The following TOP6BL variants were observed in gnomAD, a reference collection of about 807,000 sequenced individuals.
TOP6BL encodes type 2 DNA topoisomerase 6 subunit B-like.
the TOP6BL span, among the ~76,000 whole-genome samples, chr11:66,769,405 C>G: frequency 6.6e-6 from 1 of 150,558 alleles, no homozygotes; most frequent in African/African-American, 2.4e-5. Flanking sequence ...AACTCTTATG[C>G]TTCAAAAGAT....
At chr11:66,833,798 A>AT in the TOP6BL span, among the ~76,000 whole-genome samples, 2 of 152,118 alleles carry the variant, frequency 1.3e-5, no homozygotes, top group Admixed American at 6.6e-5. Context: ...AAATAAAAAA[A>AT]TTAGCCAGGC....
chr11:66,788,718 C>G, the TOP6BL span, among the ~76,000 whole-genome samples: 2 of 152,124 alleles, frequency 1.3e-5, no homozygotes, highest in Non-Finnish European at 2.9e-5. Flanking sequence ...AGAAAGAGAT[C>G]TCTAATGTCT....
At chr11:66,838,618 C>A in the TOP6BL span, among the ~76,000 whole-genome samples, 1 of 152,152 alleles carries the variant, frequency 6.6e-6, no homozygotes, top group Non-Finnish European at 1.5e-5. Flanking sequence ...GTCTTCCCTC[C>A]CCAAGATGTT....
the TOP6BL span, among the ~76,000 whole-genome samples, chr11:66,797,832 A>C: frequency 1.3e-5 from 2 of 152,158 alleles, no homozygotes; most frequent in Non-Finnish European, 2.9e-5. Flanking sequence ...GAATATTTTG[A>C]ATATTAGAGA....
the TOP6BL span, among the ~76,000 whole-genome samples, chr11:66,782,901 T>C: frequency 6.6e-6 from 1 of 152,226 alleles, no homozygotes; most frequent in Admixed American, 6.5e-5. Flanking sequence ...GATAATGATC[T>C]CTTTCTTCCT....
the TOP6BL span, among the ~76,000 whole-genome samples, chr11:66,784,929 T>C: frequency 6.6e-6 from 1 of 151,804 alleles, no homozygotes; most frequent in South Asian, 2.1e-4. Context: ...TCTTTTCTTT[T>C]TTTTGTATCT....
the TOP6BL span, among the ~76,000 whole-genome samples, chr11:66,754,590 G>C: frequency 6.6e-6 from 1 of 152,080 alleles, no homozygotes; most frequent in Admixed American, 6.5e-5. Context: ...TGATCTAATT[G>C]GGCTTTTAAC....
chr11:66,779,328 C>A, the TOP6BL span, among the ~76,000 whole-genome samples: 1 of 152,032 alleles, frequency 6.6e-6, no homozygotes, highest in African/African-American at 2.4e-5. Context: ...AAAAAAACAA[C>A]CCCATCAAAA....
At chr11:66,836,700 ATT>A in the TOP6BL span, among the ~76,000 whole-genome samples, 1 of 107,646 alleles carries the variant, frequency 9.3e-6, no homozygotes. Flanking sequence ...AGAAAATATG[ATT>A]TTTTTTTTTT....
the TOP6BL span, chr11:66,762,173 G>T: frequency 1.3e-6 from 1 of 786,426 alleles, no homozygotes. Context: ...ATCAATCAAA[G>T]CTTTGTCTCC....
At chr11:66,843,376 CG>C in the TOP6BL span, 1 of 1,433,220 alleles carries the variant, frequency 7.0e-7, no homozygotes, top group Non-Finnish European at 9.1e-7. Context: ...CGGGGCGGGG[CG>C]TGGAGCCGCG....
chr11:66,825,998 C>A, the TOP6BL span, among the ~76,000 whole-genome samples: 2 of 152,030 alleles, frequency 1.3e-5, no homozygotes, highest in Non-Finnish European at 2.9e-5. Context: ...CCCGCCACCA[C>A]GCCCAGCTAA....
At chr11:66,784,864 T>G in the TOP6BL span, among the ~76,000 whole-genome samples, 1 of 152,194 alleles carries the variant, frequency 6.6e-6, no homozygotes, top group Non-Finnish European at 1.5e-5. Context: ...GCTCTTTTAC[T>G]GTGTCCAATC....
At chr11:66,842,952 C>T in the TOP6BL span, 1 of 1,553,058 alleles carries the variant, frequency 6.4e-7, no homozygotes, top group African/African-American at 1.4e-5. Flanking sequence ...CGTCAGAGGC[C>T]GCCCCGCGCC....
At chr11:66,758,264 G>T in the TOP6BL span, 1 of 294,872 alleles carries the variant, frequency 3.4e-6, no homozygotes, top group African/African-American at 2.4e-5. Context: ...AGAACTCTAG[G>T]TAAGAGAATT....
the TOP6BL span, among the ~76,000 whole-genome samples, chr11:66,807,848 A>AG: frequency 1.3e-5 from 2 of 152,216 alleles, no homozygotes. Context: ...GCCTTGGGCA[A>AG]GGGATAACTA....
chr11:66,758,614 G>A, the TOP6BL span, among the ~76,000 whole-genome samples: 1 of 151,962 alleles, frequency 6.6e-6, no homozygotes, highest in Non-Finnish European at 1.5e-5. Flanking sequence ...GCACCCGGCC[G>A]GTATTTTCTA....
At chr11:66,784,956 C>CTTTT in the TOP6BL span, among the ~76,000 whole-genome samples, 223 of 95,104 alleles carry the variant, frequency 2.3e-3, no homozygotes, top group Middle Eastern at 6.9e-3. Context: ...TCTAAGATTT[C>CTTTT]TTTTTTTTTT....
chr11:66,761,968 GT>G, the TOP6BL span: 1 of 1,564,658 alleles, frequency 6.4e-7, no homozygotes, highest in South Asian at 1.1e-5. Context: ...CCTTGCGAGG[GT>G]TCCTCCTCAC....
Sources: allele counts gnomAD v4.1 joint callset (sites outside exome capture counted in the v4.1 genomes callset), GRCh38; gene constraint gnomAD v4.1.1; transcripts MANE v1.5; gene names NCBI Gene and HGNC (gene_info 2026-07-23, HGNC 2026-07-21).